SPPL3: variants seen among roughly 807,000 people sequenced by gnomAD.
The protein encoded by SPPL3 is signal peptide peptidase-like 3.
In SPPL3, 5 loss-of-function variants were observed where a neutral mutation model predicts 42.4. The ratio of observed to expected loss-of-function variants is 0.12; its 90% CI spans 0.06 to 0.25. SPPL3 has a LOEUF of 0.25. Among genes scored for constraint, SPPL3 ranks in the 10% least tolerant of loss-of-function variants. SPPL3 has a pLI of 1.00. For missense variants in SPPL3, 235 were observed against 489.0 expected (o/e 0.48, Z 4.90); for synonymous variants, 195 against 181.8 (o/e 1.07, Z -0.58).
intron 1 of SPPL3, among the ~76,000 whole-genome samples, chr12:120,828,115 A>C (rs1422485628): frequency 6.6e-6 from 1 of 152,138 alleles, no homozygotes; most frequent in Non-Finnish European, 1.5e-5. Context: ...AAAAGAACTG[A>C]TATTATACGA....
intron 1 of SPPL3, among the ~76,000 whole-genome samples, chr12:120,851,050 G>A (rs893968250): frequency 6.6e-6 from 1 of 152,124 alleles, no homozygotes; most frequent in Non-Finnish European, 1.5e-5. Context: ...TGTTTTAGGG[G>A]TCATTATTCA....
chr12:120,799,213 C>T (rs760328365), intron 2 of SPPL3, among the ~76,000 whole-genome samples: 25 of 152,208 alleles, frequency 1.6e-4, no homozygotes, highest in East Asian at 1.9e-4. Flanking sequence ...GCTCAGAACA[C>T]GTACATTAGC....
At chr12:120,774,427 T>C (rs1869236932) in intron 6 of SPPL3, among the ~76,000 whole-genome samples, 1 of 152,182 alleles carries the variant, frequency 6.6e-6, no homozygotes, top group African/African-American at 2.4e-5. Context: ...CTCCACAGAG[T>C]GGAGCTGAGC....
intron 8 of SPPL3, among the ~76,000 whole-genome samples, 179 bp from the exon 9 acceptor site, chr12:120,767,772 G>A (rs552136687): frequency 6.6e-6 from 1 of 152,324 alleles, no homozygotes; most frequent in Non-Finnish European, 1.5e-5. Context: ...CAACAGTACT[G>A]GCACTAGAGG....
At chr12:120,810,126 C>T (rs76909052) in intron 2 of SPPL3, among the ~76,000 whole-genome samples, 11,295 of 152,080 alleles carry the variant, frequency 0.074, 569 homozygotes, top group East Asian at 0.19. Flanking sequence ...TAGGCACTAC[C>T]ACCATGCCTG....
chr12:120,793,125 A>G (rs1179594350), intron 2 of SPPL3, among the ~76,000 whole-genome samples: 1 of 152,248 alleles, frequency 6.6e-6, no homozygotes. Flanking sequence ...GGATCTGAAG[A>G]GACATTTCTT....
Position 120,904,112 on chromosome 12 carries a change from G to C in SPPL3, c.-245C>G, listed in dbSNP as rs1408959849. On this transcript the variant is annotated 5_prime_UTR_variant, in exon 1 of 11. Coordinates refer to ENST00000353487, the MANE Select transcript of SPPL3 (RefSeq NM_139015.5). ...CTCTCGGCCTCCCTCACCCGCGGCG[G>C]CGGCGGCGGCTCCGCTGCAGCTCCA... 1 of 307,718 alleles carries C rather than the reference G, an allele frequency of 3.2e-6. No individual in the cohort carries two copies. Among genetic ancestry groups the C allele is most frequent in the Non-Finnish European group, 5.9e-6 (1 of 169,094 alleles). The allele number at this position is 307,718 out of a possible 1,614,324, so 19.1% of individuals were successfully genotyped here.
intron 1 of SPPL3, among the ~76,000 whole-genome samples, chr12:120,891,765 G>C (rs983931806): frequency 6.8e-6 from 1 of 147,284 alleles, no homozygotes; most frequent in Middle Eastern, 3.3e-3. Context: ...AAGCAGCTGA[G>C]TGTCTCCACT....
chr12:120,852,636 T>C (rs1263529637), intron 1 of SPPL3, among the ~76,000 whole-genome samples: 1 of 9,446 alleles, frequency 1.1e-4, no homozygotes, highest in African/African-American at 1.8e-4. Flanking sequence ...ATATATGAAA[T>C]ATATGCATAT....
chr12:120,772,734 G>A (rs1164306479), intron 6 of SPPL3, among the ~76,000 whole-genome samples: 1 of 152,282 alleles, frequency 6.6e-6, no homozygotes, highest in African/African-American at 2.4e-5. Context: ...TGTGTGCACG[G>A]TGCTAATATA....
At chr12:120,890,874 A>G (rs1566071190) in intron 1 of SPPL3, among the ~76,000 whole-genome samples, 1 of 152,214 alleles carries the variant, frequency 6.6e-6, no homozygotes, top group Non-Finnish European at 1.5e-5. Context: ...CTAGCTGTGA[A>G]GCCGAAACCC....
rs1874086215 is a variant in SPPL3, at chr12:120,904,252, G to C, written c.-385C>G. 1.7e-5 allele frequency: 3 copies of C among 174,158 alleles called. No homozygotes were observed. In the South Asian group the frequency reaches 5.1e-4, roughly 29 times the overall value. 10.8% of individuals were successfully genotyped at this position (174,158 alleles called of 1,614,324 possible). On this transcript the variant is annotated 5_prime_UTR_variant, in exon 1 of 11. Coordinates refer to ENST00000353487, the MANE Select transcript of SPPL3 (RefSeq NM_139015.5). Reference sequence around the variant, plus strand: ...GGCCGCGGGAGCGCCGCGCTCGGGCGGCGGCGGCGGCGGCCGGGGGACATG... The same window carrying C: ...GGCCGCGGGAGCGCCGCGCTCGGGCCGCGGCGGCGGCGGCCGGGGGACATG...
At chr12:120,845,813 A>T (rs187298662) in intron 1 of SPPL3, among the ~76,000 whole-genome samples, 19 of 152,162 alleles carry the variant, frequency 1.2e-4, no homozygotes, top group Non-Finnish European at 2.1e-4. Context: ...CTGCCTACCT[A>T]ATTTCAGAGC....
chr12:120,879,211 A>C (rs1873207559), intron 1 of SPPL3, among the ~76,000 whole-genome samples: 1 of 151,950 alleles, frequency 6.6e-6, no homozygotes, highest in African/African-American at 2.4e-5. Context: ...AGCTGCAGTC[A>C]CATGCAATTC....
At chr12:120,857,539 G>A (rs532438144) in intron 1 of SPPL3, among the ~76,000 whole-genome samples, 1 of 152,262 alleles carries the variant, frequency 6.6e-6, no homozygotes, top group African/African-American at 2.4e-5. Context: ...GTTTATTGCA[G>A]CACTATTCAT....
intron 1 of SPPL3, among the ~76,000 whole-genome samples, chr12:120,839,608 T>C (rs1871739279): frequency 6.6e-6 from 1 of 152,194 alleles, no homozygotes; most frequent in South Asian, 2.1e-4. Flanking sequence ...AATAGCATAC[T>C]AAAATTCCTA....
intron 1 of SPPL3, among the ~76,000 whole-genome samples, chr12:120,891,186 T>C (rs943977972): frequency 2.6e-5 from 4 of 152,216 alleles, no homozygotes; most frequent in Non-Finnish European, 5.9e-5. Flanking sequence ...GTTGATAACA[T>C]CTGCCCATGG....
intron 1 of SPPL3, among the ~76,000 whole-genome samples, chr12:120,833,927 C>T (rs1871523406): frequency 6.6e-6 from 1 of 152,028 alleles, no homozygotes; most frequent in South Asian, 2.1e-4. Context: ...TTGACACATA[C>T]ACATGAAGCT....
intron 2 of SPPL3, among the ~76,000 whole-genome samples, chr12:120,798,166 G>T (rs1870169585): frequency 6.6e-6 from 1 of 152,136 alleles, no homozygotes; most frequent in Non-Finnish European, 1.5e-5. Flanking sequence ...CCTGAAACAT[G>T]GTTAAGACTC....
Sources: allele counts gnomAD v4.1 joint callset (sites outside exome capture counted in the v4.1 genomes callset), GRCh38; gene constraint gnomAD v4.1.1; transcripts MANE v1.5; gene names NCBI Gene and HGNC (gene_info 2026-07-23, HGNC 2026-07-21).